CCSER1: variants seen among roughly 807,000 people sequenced by gnomAD.
CCSER1 encodes coiled-coil serine rich protein 1.
In CCSER1, 41 loss-of-function variants were observed where a neutral mutation model predicts 82.0. That is an observed-to-expected ratio of 0.50 (90% CI 0.39 to 0.65). The LOEUF (loss-of-function observed/expected upper bound fraction) is 0.65, where lower values mean the gene tolerates loss of function less well. Ranked by LOEUF, CCSER1 falls within the 30% of genes least tolerant of loss-of-function variation. The pLI, the probability that CCSER1 is intolerant of heterozygous loss-of-function variation, is 0.00. For synonymous variants in CCSER1, 414 were observed against 383.9 expected, an observed-to-expected ratio of 1.08 and a Z score of -0.92; for missense variants, 1,119 against 1,064.2, an observed-to-expected ratio of 1.05 and a Z score of -0.72.
At chr4:91,264,866 G>T (rs1425132035) in intron 10 of CCSER1, among the ~76,000 whole-genome samples, 2 of 151,808 alleles carry the variant, frequency 1.3e-5, no homozygotes, top group African/African-American at 4.8e-5. Flanking sequence ...CCCTGATTAA[G>T]AAATAATTTT....
At chr4:90,499,241 G>A (rs1769474050) in intron 5 of CCSER1, among the ~76,000 whole-genome samples, 1 of 151,944 alleles carries the variant, frequency 6.6e-6, no homozygotes, top group Non-Finnish European at 1.5e-5. Context: ...TGTCTTTTAA[G>A]TGCCTACTAT....
intron 3 of CCSER1, among the ~76,000 whole-genome samples, chr4:90,376,324 G>C (rs1006736540): frequency 6.6e-6 from 1 of 152,204 alleles, no homozygotes; most frequent in African/African-American, 2.4e-5. Flanking sequence ...TTCAGCTAAA[G>C]TAATCAGTGA....
intron 3 of CCSER1, among the ~76,000 whole-genome samples, chr4:90,314,032 G>T (rs1176796338): frequency 6.6e-6 from 1 of 152,094 alleles, no homozygotes; most frequent in Non-Finnish European, 1.5e-5. Flanking sequence ...TAATTATTTT[G>T]TGAAGAAGCC....
intron 10 of CCSER1, among the ~76,000 whole-genome samples, chr4:91,253,026 A>G (rs2149150488): frequency 6.6e-6 from 1 of 151,896 alleles, no homozygotes; most frequent in East Asian, 1.9e-4. Context: ...AAAAAAAAAA[A>G]GAGGGTGATC....
intron 1 of CCSER1, among the ~76,000 whole-genome samples, chr4:90,155,805 G>A (rs534649355): frequency 6.6e-6 from 1 of 151,194 alleles, no homozygotes; most frequent in East Asian, 1.9e-4. Context: ...CAATTTTGTT[G>A]ATCCTTTCAA....
intron 10 of CCSER1, among the ~76,000 whole-genome samples, chr4:91,523,611 A>G (rs2870326): frequency 0.014 from 2,196 of 152,204 alleles, 32 homozygotes; most frequent in East Asian, 0.036. Context: ...GGGAGGGTAT[A>G]TGTGTCCAGG....
chr4:91,509,853 A>G (rs1035769247), intron 10 of CCSER1, among the ~76,000 whole-genome samples: 3 of 152,046 alleles, frequency 2.0e-5, no homozygotes, highest in Non-Finnish European at 4.4e-5. Context: ...TTTTTACATA[A>G]TTTCAACTTT....
At chr4:90,996,569 C>A (rs1737512827) in intron 9 of CCSER1, among the ~76,000 whole-genome samples, 1 of 152,124 alleles carries the variant, frequency 6.6e-6, no homozygotes, top group African/African-American at 2.4e-5. Context: ...ATGTAACTTT[C>A]ATCAGTTGGA....
At chr4:90,176,583 G>A (rs1732711760) in intron 1 of CCSER1, among the ~76,000 whole-genome samples, 1 of 151,954 alleles carries the variant, frequency 6.6e-6, no homozygotes, top group East Asian at 1.9e-4. Context: ...AGCAAATTTG[G>A]TCTGATACTG....
chr4:90,546,862 G>A (rs927368461), intron 5 of CCSER1, among the ~76,000 whole-genome samples: 2 of 151,820 alleles, frequency 1.3e-5, no homozygotes, highest in African/African-American at 2.4e-5. Flanking sequence ...TCTTTTTCAG[G>A]TTTACCTTAT....
At chr4:90,376,564 C>A (rs1172849804) in intron 3 of CCSER1, among the ~76,000 whole-genome samples, 1 of 152,064 alleles carries the variant, frequency 6.6e-6, no homozygotes, top group African/African-American at 2.4e-5. Flanking sequence ...TAGGATTTGT[C>A]CAGTTGTCTG....
At chr4:90,342,862 C>T (rs1267663358) in intron 3 of CCSER1, among the ~76,000 whole-genome samples, 2 of 151,816 alleles carry the variant, frequency 1.3e-5, no homozygotes, top group Admixed American at 6.6e-5. Flanking sequence ...ATTCTTAAAA[C>T]ATCCTTTTTG....
intron 8 of CCSER1, among the ~76,000 whole-genome samples, chr4:90,910,629 G>A (rs183714688): frequency 6.5e-4 from 99 of 152,224 alleles, no homozygotes; most frequent in Admixed American, 3.6e-3. Flanking sequence ...AGGATGTCAG[G>A]CAGTTTTCTA....
At chr4:90,512,150 A>G (rs1402190036) in intron 5 of CCSER1, among the ~76,000 whole-genome samples, 1 of 152,042 alleles carries the variant, frequency 6.6e-6, no homozygotes, top group Non-Finnish European at 1.5e-5. Flanking sequence ...CTTCTTCATG[A>G]TGTCATCTCT....
chr4:90,293,663 AG>A (rs1731338381), intron 1 of CCSER1, among the ~76,000 whole-genome samples: 1 of 151,224 alleles, frequency 6.6e-6, no homozygotes, highest in South Asian at 2.1e-4. Flanking sequence ...TTTAAATTTA[AG>A]AAAATAAAAA....
At chr4:91,375,861 G>A (rs1484343364) in intron 10 of CCSER1, among the ~76,000 whole-genome samples, 8 of 151,788 alleles carry the variant, frequency 5.3e-5, no homozygotes, top group Non-Finnish European at 1.2e-4. Flanking sequence ...TAGAATTTTA[G>A]TATTTGATAA....
intron 4 of CCSER1, among the ~76,000 whole-genome samples, chr4:90,428,444 T>C (rs1757831563): frequency 1.3e-5 from 2 of 151,890 alleles, no homozygotes; most frequent in Non-Finnish European, 2.9e-5. Flanking sequence ...TGTTGTTGAT[T>C]GGAAGATTAA....
chr4:91,518,129 A>C (rs1047086464), intron 10 of CCSER1, among the ~76,000 whole-genome samples: 1 of 152,164 alleles, frequency 6.6e-6, no homozygotes, highest in African/African-American at 2.4e-5. Flanking sequence ...GGCTGCATGC[A>C]GCAGCTCTGG....
chr4:90,599,112 C>CTT (rs1221112641), intron 5 of CCSER1, among the ~76,000 whole-genome samples: 1 of 152,056 alleles, frequency 6.6e-6, no homozygotes, highest in Non-Finnish European at 1.5e-5. Flanking sequence ...AAGCTGTGCT[C>CTT]AGGAACTGTA....
Sources: gnomAD v4.1 joint callset for allele counts (sites outside exome capture counted in the v4.1 genomes callset) on GRCh38, gnomAD v4.1.1 for gene constraint, MANE v1.5 for transcripts, NCBI Gene and HGNC (gene_info 2026-07-23, HGNC 2026-07-21) for gene names.